CD109: variants seen among roughly 807,000 people sequenced by gnomAD.
CD109 encodes CD109 antigen.
A neutral mutation model predicts 165.8 loss-of-function variants in CD109; 149 were observed. The observed-to-expected ratio is 0.90, with a 90% confidence interval of 0.79 to 1.03. The LOEUF (loss-of-function observed/expected upper bound fraction) is 1.03, where lower values mean the gene tolerates loss of function less well. Among genes scored for constraint, CD109 ranks in the 50% least tolerant of loss-of-function variants. The pLI is 0.00. For synonymous variants in CD109, 585 were observed against 592.1 expected, an observed-to-expected ratio of 0.99 and a Z score of 0.18; for missense variants, 1,712 against 1,677.8, an observed-to-expected ratio of 1.02 and a Z score of -0.36.
chr6:73,772,505 C>CAAA (rs1027095366), intron 15 of CD109, among the ~76,000 whole-genome samples: 6 of 39,562 alleles, frequency 1.5e-4, no homozygotes, highest in Non-Finnish European at 2.5e-4. Context: ...GACTCTGTCT[C>CAAA]AAAAAAAAAA....
intron 5 of CD109, among the ~76,000 whole-genome samples, chr6:73,753,332 G>C (rs1773266765): frequency 6.6e-6 from 1 of 152,014 alleles, no homozygotes; most frequent in Non-Finnish European, 1.5e-5. Context: ...GGCATAAATG[G>C]CTATTAATTC....
In CD109 at chr6:73,756,685, A is replaced by G. The variant is rs764087650; in HGVS notation, c.673+3A>G. 2 of 1,535,774 alleles carry G rather than the reference A, an allele frequency of 1.3e-6. No homozygotes were observed. Among genetic ancestry groups the G allele is most frequent in the South Asian group, 2.5e-5 (2 of 80,840 alleles). ...ATCATTTCAGGTTTCAGAATATGGT[A>G]AGAGTTCCTCAATCTATTTTGGAAG... On this transcript the variant is annotated splice_donor_region_variant and intron_variant, in intron 6 of 32. Transcript: ENST00000287097.
At chr6:73,698,494 A>AT (rs1181795544) in intron 2 of CD109, among the ~76,000 whole-genome samples, 1 of 152,070 alleles carries the variant, frequency 6.6e-6, no homozygotes, top group Non-Finnish European at 1.5e-5. Flanking sequence ...CGAGACATAC[A>AT]TTTTTATAAT....
chr6:73,681,422 AT>A, the CD109 span, among the ~76,000 whole-genome samples: 2 of 151,356 alleles, frequency 1.3e-5, no homozygotes, highest in East Asian at 3.9e-4. Context: ...ATATGGTATT[AT>A]TGTATTAGTC....
chr6:73,756,522 C>A, intron 5 of CD109, 121 bp from the exon 6 acceptor site: 2 of 654,076 alleles, frequency 3.1e-6, no homozygotes, highest in Non-Finnish European at 5.2e-6. Flanking sequence ...TTGTTCATTG[C>A]ATCATTATAA....
At chr6:73,766,256 T>G in intron 11 of CD109, 102 bp downstream of exon 11, 1 of 858,456 alleles carries the variant, frequency 1.2e-6, no homozygotes, top group East Asian at 2.6e-5. Flanking sequence ...ACATAGGAAG[T>G]GGACACATGT....
intron 23 of CD109, among the ~76,000 whole-genome samples, chr6:73,800,216 T>A (rs1775314946): frequency 6.6e-6 from 1 of 152,180 alleles, no homozygotes; most frequent in Admixed American, 6.5e-5. Context: ...ATTTTACACT[T>A]TGCCTTTTTC....
At chr6:73,707,390 A>T (rs1271112320) in intron 2 of CD109, among the ~76,000 whole-genome samples, 1 of 152,138 alleles carries the variant, frequency 6.6e-6, no homozygotes, top group Non-Finnish European at 1.5e-5. Context: ...GTATCCAAAT[A>T]GTAAATGAGA....
intron 2 of CD109, among the ~76,000 whole-genome samples, chr6:73,718,117 C>G (rs1180052978): frequency 6.6e-6 from 1 of 151,776 alleles, no homozygotes; most frequent in African/African-American, 2.4e-5. Flanking sequence ...CTGAGACCAG[C>G]CTGGGCAACA....
At position 73,768,146 on chromosome 6, in the gene CD109, G is replaced by GTGTAA. The variant is rs139722829; in HGVS notation, c.1591_1595dup (p.Ile532MetfsTer2). On this transcript the variant is annotated frameshift_variant, in exon 14 of 33. Coordinates refer to ENST00000287097, the MANE Select transcript of CD109 (RefSeq NM_133493.5). LOFTEE classifies it high-confidence loss of function. ...GAAAATTCTTGGACTCCAAAAGCCTGTGTAATTGTGTATTATATTGAAGAT... is the reference window on the plus strand; with the variant it reads ...GAAAATTCTTGGACTCCAAAAGCCTGTGTAATGTAATTGTGTATTATATTGAAGAT... 2 of 1,604,738 alleles carry GTGTAA rather than the reference G, an allele frequency of 1.2e-6. No homozygotes were observed. Among genetic ancestry groups the GTGTAA allele is most frequent in the East Asian group, 4.5e-5 (2 of 44,744 alleles).
At chr6:73,748,171 C>T (rs376426460) in intron 5 of CD109, among the ~76,000 whole-genome samples, 10 of 152,172 alleles carry the variant, frequency 6.6e-5, no homozygotes, top group African/African-American at 2.4e-4. Flanking sequence ...CCACCTCTCC[C>T]TCCTTTGTCC....
intron 30 of CD109, among the ~76,000 whole-genome samples, chr6:73,817,823 G>A (rs984647737): frequency 2.6e-5 from 4 of 152,112 alleles, no homozygotes; most frequent in Admixed American, 1.3e-4. Context: ...ATTCCCTCAC[G>A]GTGGCCAAAG....
intron 4 of CD109, among the ~76,000 whole-genome samples, chr6:73,733,332 G>C (rs1289168773): frequency 6.6e-6 from 1 of 152,152 alleles, no homozygotes; most frequent in Non-Finnish European, 1.5e-5. Context: ...AGCTAGAAAT[G>C]GCTGCAGGAT....
At chr6:73,707,112 A>G (rs1280166099) in intron 2 of CD109, among the ~76,000 whole-genome samples, 1 of 152,128 alleles carries the variant, frequency 6.6e-6, no homozygotes, top group African/African-American at 2.4e-5. Flanking sequence ...TTGATTATAG[A>G]GGCTTGTTCG....
In CD109 at chr6:73,806,880, C is replaced by T. The variant is rs574204659; in HGVS notation, c.2997C>T (p.Ala999=). Residue 999 remains alanine, a synonymous_variant, in exon 25 of 33, where the codon GCC becomes GCT. Coordinates refer to ENST00000287097, the MANE Select transcript of CD109 (RefSeq NM_133493.5). ...TTGTTTTAAGATGTTTCCTTGAAGC[C>T]GATCCTTACATAGATATTGATCAGA... The part of the protein sequence containing the change: ...SAFVLRCFLE[A]DPYIDIDQNV... 81 of 1,613,032 alleles carry T rather than the reference C, an allele frequency of 5.0e-5. 1 individual carries two copies. Among genetic ancestry groups the T allele is most frequent in the South Asian group, 2.2e-4 (20 of 90,944 alleles).
At chr6:73,712,487 A>G (rs972968043) in intron 2 of CD109, among the ~76,000 whole-genome samples, 1 of 152,086 alleles carries the variant, frequency 6.6e-6, no homozygotes, top group Non-Finnish European at 1.5e-5. Context: ...TTTTTTTCAT[A>G]GAGAGTATTT....
At chr6:73,741,925 G>A (rs1772798089) in intron 5 of CD109, among the ~76,000 whole-genome samples, 1 of 152,098 alleles carries the variant, frequency 6.6e-6, no homozygotes, top group Non-Finnish European at 1.5e-5. Flanking sequence ...CTTGCCTTGG[G>A]TTTCCAAAGT....
chr6:73,733,112 A>G (rs1390070467), intron 4 of CD109, among the ~76,000 whole-genome samples: 2 of 152,136 alleles, frequency 1.3e-5, no homozygotes, highest in Admixed American at 1.3e-4. Context: ...TCAGCTGAAA[A>G]CAGACATTTG....
rs75987107 is a variant in CD109, at chr6:73,735,477, A to T, written c.508-906A>T. 7.6e-3 allele frequency among the ~76,000 whole-genome samples: 1,159 copies of T among 152,226 alleles called. 11 individuals carry two copies. The highest frequency in any genetic ancestry group is 0.014 in the Middle Eastern group (4 of 294). ...TAGGACATGGTGGCTGGATGTGAGG[A>T]TGGAAAGAAGGAGACAAATTAGAGA... On this transcript the variant is annotated intron_variant, in intron 4 of 32. Coordinates refer to ENST00000287097, the MANE Select transcript of CD109 (RefSeq NM_133493.5).
Sources: allele counts gnomAD v4.1 joint callset (sites outside exome capture counted in the v4.1 genomes callset), GRCh38; gene constraint gnomAD v4.1.1; transcripts MANE v1.5; gene names NCBI Gene and HGNC (gene_info 2026-07-23, HGNC 2026-07-21).